The following PALM2AKAP2 variants were observed in gnomAD, a reference collection of about 807,000 sequenced individuals.
PALM2AKAP2 encodes the protein PALM2 and AKAP2 fusion.
A neutral mutation model predicts 71.5 loss-of-function variants in PALM2AKAP2; 37 were observed. That is an observed-to-expected ratio of 0.52 (90% CI 0.40 to 0.68). The LOEUF (loss-of-function observed/expected upper bound fraction) is 0.68, where lower values mean the gene tolerates loss of function less well. Ranked by LOEUF, PALM2AKAP2 falls within the 30% of genes least tolerant of loss-of-function variation. The pLI, the probability that PALM2AKAP2 is intolerant of heterozygous loss-of-function variation, is 0.00. For synonymous variants in PALM2AKAP2, 468 were observed against 478.8 expected (o/e 0.98, Z 0.29); for missense variants, 1,224 against 1,191.8 (o/e 1.03, Z -0.40).
At chr9:109,789,450 T>C (rs1157014485) in intron 1 of PALM2AKAP2, among the ~76,000 whole-genome samples, 1 of 152,252 alleles carries the variant, frequency 6.6e-6, no homozygotes, top group African/African-American at 2.4e-5. Context: ...TATGCAAGTA[T>C]GACTTGTTAT....
intron 2 of PALM2AKAP2, among the ~76,000 whole-genome samples, chr9:109,874,435 A>T (rs1376283828): frequency 6.6e-6 from 1 of 152,208 alleles, no homozygotes; most frequent in Non-Finnish European, 1.5e-5. Flanking sequence ...TACCATGGAT[A>T]AGTCAGTTAA....
At chr9:109,685,580 CAT>C (rs1267696621) in intron 1 of PALM2AKAP2, among the ~76,000 whole-genome samples, 1 of 151,986 alleles carries the variant, frequency 6.6e-6, no homozygotes, top group Non-Finnish European at 1.5e-5. Context: ...AGAATTCTGT[CAT>C]ATATATATTT....
At chr9:110,101,247 C>T (rs910949456) in intron 1 of PALM2AKAP2, among the ~76,000 whole-genome samples, 1 of 152,012 alleles carries the variant, frequency 6.6e-6, no homozygotes, top group Non-Finnish European at 1.5e-5. Context: ...AAAAGACACG[C>T]AGGATGTGGG....
chr9:109,743,378 A>C (rs532447921), intron 1 of PALM2AKAP2, among the ~76,000 whole-genome samples: 1 of 151,868 alleles, frequency 6.6e-6, no homozygotes, highest in Admixed American at 6.6e-5. Flanking sequence ...GCAATACCCC[A>C]CCCGTGCAGA....
intron 7 of PALM2AKAP2, chr9:110,025,343 C>G (rs1360004831): frequency 8.5e-7 from 1 of 1,170,042 alleles, no homozygotes. Flanking sequence ...CTCCTCTTTC[C>G]CTTTGTGTTC....
intron 5 of PALM2AKAP2, among the ~76,000 whole-genome samples, chr9:109,925,846 A>G (rs774741893): frequency 1.3e-5 from 2 of 152,058 alleles, no homozygotes; most frequent in Non-Finnish European, 2.9e-5. Context: ...CCTCAGCTAG[A>G]CCTGCTTTAC....
intron 3 of PALM2AKAP2, among the ~76,000 whole-genome samples, chr9:109,903,143 C>T (rs1020763710): frequency 6.6e-5 from 10 of 152,032 alleles, no homozygotes; most frequent in African/African-American, 2.2e-4. Context: ...ACACACATGC[C>T]GGAGAAGCAT....
intron 3 of PALM2AKAP2, among the ~76,000 whole-genome samples, chr9:109,884,338 T>G (rs575178722): frequency 6.6e-6 from 1 of 152,258 alleles, no homozygotes; most frequent in South Asian, 2.1e-4. Context: ...GATGGTCGCC[T>G]GCAATCCCAG....
At chr9:109,805,437 T>C (rs1158098026) in intron 1 of PALM2AKAP2, among the ~76,000 whole-genome samples, 3 of 152,152 alleles carry the variant, frequency 2.0e-5, no homozygotes, top group Middle Eastern at 3.2e-3. Flanking sequence ...TTGATTTTTT[T>C]CCCCGAAATT....
chr9:110,157,843 G>A (rs994061314), intron 3 of PALM2AKAP2, among the ~76,000 whole-genome samples: 3 of 152,210 alleles, frequency 2.0e-5, no homozygotes, highest in Non-Finnish European at 4.4e-5. Context: ...AGGATTTCTG[G>A]AGTTGAAGCC....
chr9:109,901,245 T>C (rs877640), intron 3 of PALM2AKAP2, among the ~76,000 whole-genome samples: 41,204 of 152,092 alleles, frequency 0.27, 7,078 homozygotes, highest in Non-Finnish European at 0.37. Flanking sequence ...TGTCAGCAGG[T>C]TGTTACAGAT....
intron 7 of PALM2AKAP2, among the ~76,000 whole-genome samples, chr9:110,035,350 T>C (rs1833370514): frequency 7.0e-6 from 1 of 142,810 alleles, no homozygotes; most frequent in African/African-American, 2.6e-5. Flanking sequence ...ATTATATATA[T>C]TATATGTATA....
chr9:109,916,315 C>T (rs1830690695), intron 3 of PALM2AKAP2, among the ~76,000 whole-genome samples: 1 of 152,178 alleles, frequency 6.6e-6, no homozygotes, highest in Non-Finnish European at 1.5e-5. Context: ...CTCTGTCTTC[C>T]CTTCTCTTTG....
At chr9:110,156,441 A>C in exon 3 of PALM2AKAP2, 2 of 1,612,832 alleles carry the variant, frequency 1.2e-6, no homozygotes, top group Non-Finnish European at 1.7e-6. Flanking sequence ...GCAGACCCTC[A>C]TGGAAGACTA....
intron 7 of PALM2AKAP2, among the ~76,000 whole-genome samples, chr9:110,018,176 T>G (rs1173500582): frequency 6.6e-6 from 1 of 152,178 alleles, no homozygotes; most frequent in Non-Finnish European, 1.5e-5. Flanking sequence ...GATCTCCGTT[T>G]CTTTTTCTTT....
chr9:109,728,160 C>CT (rs1291493447), intron 1 of PALM2AKAP2, among the ~76,000 whole-genome samples: 1 of 152,134 alleles, frequency 6.6e-6, no homozygotes, highest in African/African-American at 2.4e-5. Context: ...CTTAGAATAT[C>CT]TTTTTAGAAC....
intron 1 of PALM2AKAP2, among the ~76,000 whole-genome samples, chr9:109,666,063 G>C (rs1034284090): frequency 6.6e-6 from 1 of 152,196 alleles, no homozygotes; most frequent in African/African-American, 2.4e-5. Context: ...GTATTTGGGC[G>C]GGAGTGTCCT....
intron 1 of PALM2AKAP2, among the ~76,000 whole-genome samples, chr9:109,729,640 G>A (rs1256132303): frequency 6.6e-6 from 1 of 152,186 alleles, no homozygotes; most frequent in African/African-American, 2.4e-5. Context: ...AGTGCGGTAT[G>A]ACAGACTGCA....
chr9:110,138,113 C>A (rs150118041), exon 2 of PALM2AKAP2: 1 of 1,614,128 alleles, frequency 6.2e-7, no homozygotes, highest in South Asian at 1.1e-5. Context: ...CATGTTTGAG[C>A]CACCTCAGGT....
Sources: gnomAD v4.1 joint callset for allele counts (sites outside exome capture counted in the v4.1 genomes callset) on GRCh38, gnomAD v4.1.1 for gene constraint, MANE v1.5 for transcripts, NCBI Gene and HGNC (gene_info 2026-07-23, HGNC 2026-07-21) for gene names.